The following NXPE1 variants were observed in gnomAD, a reference collection of about 807,000 sequenced individuals.
NXPE1 encodes NXPE family member 1.
A neutral mutation model predicts 33.3 loss-of-function variants in NXPE1; 31 were observed. That is an observed-to-expected ratio of 0.93 (90% CI 0.70 to 1.26). The LOEUF (loss-of-function observed/expected upper bound fraction) is 1.26, where lower values mean the gene tolerates loss of function less well. Ranked by LOEUF, NXPE1 falls within the 50% of genes most tolerant of loss-of-function variation. NXPE1 has a pLI of 0.00. For synonymous variants in NXPE1, 229 were observed against 231.4 expected, an observed-to-expected ratio of 0.99 and a Z score of 0.09; for missense variants, 661 against 655.6, an observed-to-expected ratio of 1.01 and a Z score of -0.09.
At chr11:114,527,992 AG>A in intron 6 of NXPE1, 91 bp from the exon 7 acceptor site, 1 of 862,360 alleles carries the variant, frequency 1.2e-6, no homozygotes, top group Non-Finnish European at 1.8e-6. Flanking sequence ...GAAAATTTTT[AG>A]TTTTCTATAA....
intron 5 of NXPE1, among the ~76,000 whole-genome samples, chr11:114,547,045 TCCCC>T (rs929046512): frequency 1.8e-4 from 27 of 152,090 alleles, no homozygotes; most frequent in African/African-American, 6.0e-4. Flanking sequence ...ATGCAGATTC[TCCCC>T]ACTCAAGGAG....
chr11:114,541,302 G>A (rs1948090527), intron 5 of NXPE1, among the ~76,000 whole-genome samples: 1 of 152,154 alleles, frequency 6.6e-6, no homozygotes, highest in South Asian at 2.1e-4. Context: ...AGCCAACCCT[G>A]AGATAACATA....
At chr11:114,522,790 A>C in intron 8 of NXPE1, 89 bp downstream of exon 8, 1 of 938,036 alleles carries the variant, frequency 1.1e-6, no homozygotes, top group Non-Finnish European at 1.6e-6. Context: ...AGTAAAAAAC[A>C]AAATAGCTCA....
At chr11:114,538,256 T>G (rs1947925177) in intron 5 of NXPE1, among the ~76,000 whole-genome samples, 2 of 152,222 alleles carry the variant, frequency 1.3e-5, no homozygotes, top group Non-Finnish European at 2.9e-5. Context: ...ATGCCTTCCT[T>G]ACACCTTATA....
chr11:114,550,961 G>T, intron 5 of NXPE1, 142 bp downstream of exon 5: 3 of 582,224 alleles, frequency 5.2e-6, no homozygotes, highest in Non-Finnish European at 6.1e-6. Context: ...TGCCTCTAAG[G>T]AGTTAGGTAG....
chr11:114,551,467 A>T, intron 3 of NXPE1, 26 bp from the exon 4 acceptor site: 2 of 1,187,354 alleles, frequency 1.7e-6, no homozygotes, highest in African/African-American at 1.6e-5. Flanking sequence ...AAGTCACCTT[A>T]TAGGTTCTCT....
In NXPE1 at chr11:114,556,981, C is replaced by T. The variant is rs770036229; in HGVS notation, c.-211+2817G>A. Among the ~76,000 whole-genome samples, 5 of 151,290 alleles carry T rather than the reference C, an allele frequency of 3.3e-5. 1 individual carries two copies. In the South Asian group the frequency reaches 1.0e-3, roughly 32 times the overall value. On this transcript the variant is annotated intron_variant, in intron 1 of 8. Coordinates refer to ENST00000534921, the Ensembl canonical transcript of NXPE1. The stretch of plus-strand genomic sequence containing the variant: ...TATCTTGGCTCACTGCAACCTCTGT[C>T]TCCTGGGTTCAAGCAATTATAGTGC...
At chr11:114,557,650 TA>T (rs1260962285) in intron 1 of NXPE1, among the ~76,000 whole-genome samples, 1 of 51,930 alleles carries the variant, frequency 1.9e-5, no homozygotes, top group Non-Finnish European at 3.8e-5. Context: ...TATATATATA[TA>T]TATATATATA....
Position 114,530,741 on chromosome 11 carries a change from GA to G in NXPE1, c.266del (p.Phe89SerfsTer4), listed in dbSNP as rs1852740397. On this transcript the variant is annotated frameshift_variant, in exon 6 of 9. Coordinates refer to ENST00000534921, the Ensembl canonical transcript of NXPE1. LOFTEE classifies it high-confidence loss of function. ...CACTGGTGGTGGTGTTCACATGGGT[GA>G]AAGGTCTGGGTGGGATCTGCTGATC... 3 of 1,614,250 alleles carry G rather than the reference GA, an allele frequency of 1.9e-6. No homozygotes were observed. Among genetic ancestry groups the G allele is most frequent in the Non-Finnish European group, 2.5e-6 (3 of 1,180,040 alleles).
Position 114,554,318 on chromosome 11 carries a change from T to A in NXPE1, c.-210-1438A>T, listed in dbSNP as rs1053155945. The A allele has an allele frequency of 8.1e-6, 8 of 984,798 alleles. No individual in the cohort carries two copies. In the African/African-American group the frequency reaches 1.2e-4, roughly 15 times the overall value. 61.0% of individuals were successfully genotyped at this position (984,798 alleles called of 1,614,324 possible). On this transcript the variant is annotated intron_variant, in intron 1 of 8. Coordinates refer to ENST00000534921, the Ensembl canonical transcript of NXPE1. ...CAGAGGCCATGTGTGCCATACCTCC[T>A]CCAGGTTCTCTTTCCTCTTCCTACT... is the stretch of plus-strand genomic sequence containing the variant.
chr11:114,552,743 G>T, intron 2 of NXPE1, 109 bp downstream of exon 2: 1 of 255,818 alleles, frequency 3.9e-6, no homozygotes, highest in Non-Finnish European at 6.1e-6. Context: ...ATATGTTTCA[G>T]CAGCATTGAA....
exon 9 of NXPE1, chr11:114,522,446 T>C: frequency 1.2e-6 from 2 of 1,613,054 alleles, no homozygotes; most frequent in Non-Finnish European, 1.7e-6. Context: ...TCTTTCTGCA[T>C]CCAGAAGCAA....
chr11:114,527,877 C>T, exon 7 of NXPE1: 2 of 1,604,022 alleles, frequency 1.2e-6, no homozygotes, highest in Non-Finnish European at 1.7e-6. Context: ...TACGATCCTT[C>T]ATCATTTCAA....
At chr11:114,533,212 C>T (rs1034197704) in intron 5 of NXPE1, among the ~76,000 whole-genome samples, 1 of 152,088 alleles carries the variant, frequency 6.6e-6, no homozygotes. Flanking sequence ...CCAGAGTTAG[C>T]AAATTATTAG....
chr11:114,538,320 A>G (rs192653643), intron 5 of NXPE1, among the ~76,000 whole-genome samples: 1 of 152,376 alleles, frequency 6.6e-6, no homozygotes, highest in Admixed American at 6.5e-5. Context: ...TAAAACCATA[A>G]AAACCCTAGA....
intron 1 of NXPE1, among the ~76,000 whole-genome samples, chr11:114,558,679 C>G (rs1948712452): frequency 6.6e-6 from 1 of 152,158 alleles, no homozygotes; most frequent in Non-Finnish European, 1.5e-5. Context: ...TTAAGCTGAA[C>G]TAGGTCACAA....
intron 7 of NXPE1, among the ~76,000 whole-genome samples, chr11:114,524,628 C>A (rs1702970010): frequency 6.6e-6 from 1 of 152,022 alleles, no homozygotes; most frequent in African/African-American, 2.4e-5. Flanking sequence ...AATACCATGA[C>A]CCTGGAAACT....
chr11:114,537,781 A>C (rs937962372), intron 5 of NXPE1, among the ~76,000 whole-genome samples: 1 of 152,000 alleles, frequency 6.6e-6, no homozygotes, highest in Admixed American at 6.6e-5. Flanking sequence ...GAAATAAAAG[A>C]GGATACAAAC....
rs150857743 is a variant in NXPE1, at chr11:114,530,226, C to T, written c.782G>A (p.Arg261Gln). The stretch of plus-strand genomic sequence containing the variant: ...TGTAAGATAAGATACCTCTCTATTC[C>T]GGGTGGTCATGTAGGTCAGAGCCTC... Residue 261 changes from arginine (R) to glutamine (Q), a missense_variant, in exon 6 of 9, where the codon CGG becomes CAG. Arg to Gln is a conservative substitution (Grantham distance 43). Transcript: ENST00000534921. 311 of 1,613,446 alleles carry T rather than the reference C, an allele frequency of 1.9e-4. 3 individuals carry two copies. Among genetic ancestry groups the T allele is most frequent in the South Asian group, 1.4e-3 (131 of 90,998 alleles).
Sources: gnomAD v4.1 joint callset for allele counts (sites outside exome capture counted in the v4.1 genomes callset) on GRCh38, gnomAD v4.1.1 for gene constraint, MANE v1.5 for transcripts, NCBI Gene and HGNC (gene_info 2026-07-23, HGNC 2026-07-21) for gene names.